Variants in TTC39C observed in about 807,000 individuals in gnomAD.
TTC39C encodes the protein tetratricopeptide repeat protein 39C.
TTC39C carries 33 observed loss-of-function variants against 76.3 expected under a neutral mutation model. The observed-to-expected ratio is 0.43, with a 90% CI of 0.33 to 0.58. The LOEUF (loss-of-function observed/expected upper bound fraction) is 0.58. TTC39C is among the 20% of genes least tolerant of loss of function. The probability of loss-of-function intolerance (pLI) is 0.04; values close to 1 mark genes in which losing one functional copy is unlikely to be tolerated. For missense variants in TTC39C, 595 were observed against 701.4 expected (o/e 0.85, Z 1.71); for synonymous variants, 254 against 260.6 (o/e 0.97, Z 0.24).
At chr18:24,078,101 A>C (rs1568429002) in intron 4 of TTC39C, among the ~76,000 whole-genome samples, 1 of 152,230 alleles carries the variant, frequency 6.6e-6, no homozygotes, top group African/African-American at 2.4e-5. Context: ...CAAATGTATT[A>C]CTTTTATTAT....
chr18:24,129,048 A>C, intron 11 of TTC39C, 65 bp downstream of exon 11: 1 of 1,288,932 alleles, frequency 7.8e-7, no homozygotes, highest in Non-Finnish European at 1.1e-6. Flanking sequence ...TATGCTTGTG[A>C]ATAAGAAAAA....
intron 1 of TTC39C, among the ~76,000 whole-genome samples, chr18:24,053,993 C>T (rs1334228850): frequency 1.3e-5 from 2 of 152,114 alleles, no homozygotes; most frequent in Non-Finnish European, 2.9e-5. Flanking sequence ...GCCTTTTCCT[C>T]CCCTTTTTTA....
At chr18:24,008,006 T>C (rs941723956) in intron 1 of TTC39C, among the ~76,000 whole-genome samples, 1 of 152,224 alleles carries the variant, frequency 6.6e-6, no homozygotes, top group East Asian at 1.9e-4. Context: ...AAGGTACTGA[T>C]TATCTTCATA....
At chr18:24,130,171 G>A (rs2085106686) in intron 11 of TTC39C, 142 bp from the exon 12 acceptor site, 2 of 426,242 alleles carry the variant, frequency 4.7e-6, no homozygotes, top group Non-Finnish European at 8.6e-6. Context: ...AGATAGGAAA[G>A]AATGAAGATG....
intron 1 of TTC39C, among the ~76,000 whole-genome samples, chr18:24,059,979 A>C (rs988415033): frequency 4.6e-5 from 7 of 152,188 alleles, no homozygotes; most frequent in African/African-American, 1.4e-4. Flanking sequence ...ATCAGATCTC[A>C]TGAGGCTTAT....
In TTC39C at chr18:24,134,255, CTGTTTTTTG is replaced by C. The variant is rs1367684746; in HGVS notation, c.*1683_*1691del. On this transcript the variant is annotated 3_prime_UTR_variant, in exon 14 of 14. Coordinates refer to ENST00000317571, the MANE Select transcript of TTC39C (RefSeq NM_001135993.2). The stretch of plus-strand genomic sequence containing the variant: ...ATTGGTGCCCAAAAATATTGGACAT[CTGTTTTTTG>C]TTTTTTTTTTTTTTTTTTTTTTTTT... 6.4e-5 allele frequency: 3 copies of C among 46,708 alleles called. No homozygotes were observed. Among genetic ancestry groups the C allele is most frequent in the African/African-American group, 1.7e-4 (2 of 12,012 alleles). 2.9% of individuals were successfully genotyped at this position (46,708 alleles called of 1,614,324 possible). A position where few individuals can be genotyped will look rare whatever the true frequency, so the allele number is the denominator to read the frequency against.
chr18:24,082,920 C>G lies in TTC39C; in HGVS notation c.823C>G (p.Leu275Val). 1 of 1,604,586 alleles carries G rather than the reference C, an allele frequency of 6.2e-7. No homozygotes were observed. Among genetic ancestry groups the G allele is most frequent in the Non-Finnish European group, 8.5e-7 (1 of 1,174,708 alleles). ...CTCTCCCTCTTCCTCTAGATTAGCT[C>G]TGCTCTGGTATCATACTGTAGTCCG... ...DMKAPLATLA[L>V]LWYHTVVRPF... Residue 275 changes from leucine to valine, a missense_variant, in exon 6 of 14, where the codon CTG (leucine) becomes GTG (valine). Physicochemically the swap from Leu to Val is conservative, Grantham distance 32. Coordinates refer to ENST00000317571, the MANE Select transcript of TTC39C (RefSeq NM_001135993.2).
At chr18:24,009,822 A>G (rs529752746), upstream of TTC39C, among the ~76,000 whole-genome samples, 11 of 152,336 alleles carry the variant, frequency 7.2e-5, no homozygotes, top group African/African-American at 2.6e-4. Context: ...TCCAGTGGCT[A>G]TGTGGTTTAT....
upstream of TTC39C, among the ~76,000 whole-genome samples, chr18:24,011,849 T>C (rs1355263618): frequency 2.6e-5 from 4 of 152,288 alleles, no homozygotes; most frequent in African/African-American, 9.6e-5. Flanking sequence ...AAGGAAACAC[T>C]CGGATAAATC....
intron 1 of TTC39C, 99 bp downstream of exon 1, chr18:24,015,137 T>G: frequency 8.6e-7 from 1 of 1,161,068 alleles, no homozygotes; most frequent in African/African-American, 1.6e-5. Context: ...CTCCCCCTCC[T>G]GTCGGTCACC....
chr18:24,031,457 CT>C (rs909418651), intron 1 of TTC39C, among the ~76,000 whole-genome samples: 2 of 152,206 alleles, frequency 1.3e-5, no homozygotes, highest in African/African-American at 4.8e-5. Context: ...CCCTGATCTT[CT>C]TCCGGGGCTC....
intron 1 of TTC39C, among the ~76,000 whole-genome samples, chr18:24,025,704 GT>G (rs1568409771): frequency 1.3e-5 from 2 of 152,162 alleles, no homozygotes; most frequent in Non-Finnish European, 2.9e-5. Context: ...GGCCCAACAG[GT>G]TTGCAAAATG....
In TTC39C at chr18:24,094,068, A is replaced by T. The variant is rs561701711; in HGVS notation, c.984+10987A>T. Reference sequence around the variant, plus strand: ...TTTCAAAATTAAGTCAATTCTCTCAAACCTTACCACTGCCTTATCAACTAA... The same window carrying T: ...TTTCAAAATTAAGTCAATTCTCTCATACCTTACCACTGCCTTATCAACTAA... On this transcript the variant is annotated intron_variant, in intron 6 of 13. Transcript: ENST00000317571. 2.6e-5 allele frequency among the ~76,000 whole-genome samples: 4 copies of T among 152,338 alleles called. No homozygotes were observed. The South Asian group carries it at 6.2e-4, about 24-fold the overall frequency.
chr18:24,121,951 C>G (rs1312928251), intron 8 of TTC39C, among the ~76,000 whole-genome samples: 1 of 152,202 alleles, frequency 6.6e-6, no homozygotes, highest in Non-Finnish European at 1.5e-5. Context: ...GGTGCACACT[C>G]CTCCATCTGG....
intron 6 of TTC39C, among the ~76,000 whole-genome samples, chr18:24,107,443 C>G (rs1448651964): frequency 1.3e-5 from 2 of 152,140 alleles, no homozygotes; most frequent in Non-Finnish European, 2.9e-5. Flanking sequence ...TTCCCATAGT[C>G]CCCATGTGTC....
At chr18:24,123,992 T>C in intron 9 of TTC39C, 49 bp downstream of exon 9, 1 of 1,375,492 alleles carries the variant, frequency 7.3e-7, no homozygotes, top group South Asian at 1.3e-5. Context: ...TGGGCATTTG[T>C]AACCAACACT....
intron 1 of TTC39C, among the ~76,000 whole-genome samples, chr18:24,026,757 A>G (rs8099035): frequency 0.049 from 7,514 of 152,216 alleles, 539 homozygotes; most frequent in African/African-American, 0.16. Flanking sequence ...TTCTTAGCAC[A>G]CAGATTATTG....
intron 1 of TTC39C, among the ~76,000 whole-genome samples, chr18:24,017,841 G>A (rs997692259): frequency 4.6e-5 from 7 of 152,082 alleles, no homozygotes; most frequent in African/African-American, 7.2e-5. Context: ...GAGTCTTATT[G>A]TTACAATTTA....
chr18:24,089,463 CT>C (rs2084490777), intron 6 of TTC39C, among the ~76,000 whole-genome samples: 1 of 152,144 alleles, frequency 6.6e-6, no homozygotes, highest in Admixed American at 6.5e-5. Flanking sequence ...ATTTTTAGAA[CT>C]ATACAAAATG....
Sources: allele counts gnomAD v4.1 joint callset (sites outside exome capture counted in the v4.1 genomes callset), GRCh38; gene constraint gnomAD v4.1.1; transcripts MANE v1.5; gene names NCBI Gene and HGNC (gene_info 2026-07-23, HGNC 2026-07-21).